PXDNL: variants seen among roughly 807,000 people sequenced by gnomAD.
PXDNL encodes probable oxidoreductase PXDNL.
PXDNL carries 145 observed loss-of-function variants against 150.8 expected under a neutral mutation model. The observed-to-expected ratio is 0.96, with a 90% CI of 0.84 to 1.10. The LOEUF is 1.10. Among genes scored for constraint, PXDNL ranks in the 50% least tolerant of loss-of-function variants. The probability of loss-of-function intolerance (pLI) is 0.00; values close to 1 mark genes in which losing one functional copy is unlikely to be tolerated. For synonymous variants in PXDNL, 757 were observed against 725.7 expected (o/e 1.04, Z -0.69); for missense variants, 2,087 against 1,873.9 (o/e 1.11, Z -2.10).
At chr8:51,346,136 C>T (rs529156941) in intron 19 of PXDNL, among the ~76,000 whole-genome samples, 189 bp from the exon 20 acceptor site, 1 of 152,330 alleles carries the variant, frequency 6.6e-6, no homozygotes, top group Non-Finnish European at 1.5e-5. Context: ...CCTGCTTTTG[C>T]ATGTCACTGA....
chr8:51,759,304 G>A (rs574682664), intron 1 of PXDNL, among the ~76,000 whole-genome samples: 7 of 152,094 alleles, frequency 4.6e-5, no homozygotes, highest in East Asian at 1.9e-4. Flanking sequence ...ATCTGAAAGC[G>A]TCAATTTAAA....
In PXDNL at chr8:51,714,024, G is replaced by A. The variant is rs370939348; in HGVS notation, c.165-59264C>T. On this transcript the variant is annotated intron_variant, in intron 1 of 22. Transcript: ENST00000356297. ...AAGAAAATTTTACAAAATAACAAGA[G>A]CCGGTAATTTTTATCACACTGAAAT... 2.0e-4 allele frequency among the ~76,000 whole-genome samples: 31 copies of A among 152,164 alleles called. No individual in the cohort carries two copies. In the East Asian group the frequency reaches 4.2e-3, roughly 21 times the overall value.
In PXDNL at chr8:51,538,568, C is replaced by G. The variant is rs563512031; in HGVS notation, c.380+18272G>C. Among the ~76,000 whole-genome samples, 5 of 152,142 alleles carry G rather than the reference C, an allele frequency of 3.3e-5. No homozygotes were observed. In the South Asian group the frequency reaches 1.0e-3, roughly 32 times the overall value. On this transcript the variant is annotated intron_variant, in intron 4 of 22. Transcript: ENST00000356297. ...ATCACCTGAGGTCAAGAGTTTGAGA[C>G]CAGGCTGGCCAACATGATGAAACCT...
chr8:51,497,425 T>C (rs1056843762), intron 5 of PXDNL, among the ~76,000 whole-genome samples: 1 of 152,218 alleles, frequency 6.6e-6, no homozygotes, highest in South Asian at 2.1e-4. Context: ...AAATCCAAAA[T>C]TGACAAACAG....
At chr8:51,640,383 G>T (rs1340980302) in intron 2 of PXDNL, among the ~76,000 whole-genome samples, 2 of 152,084 alleles carry the variant, frequency 1.3e-5, no homozygotes, top group East Asian at 3.9e-4. Context: ...GAAATAAAGG[G>T]TATTCAATTA....
intron 1 of PXDNL, among the ~76,000 whole-genome samples, chr8:51,749,951 C>T (rs1195993933): frequency 5.3e-5 from 8 of 152,130 alleles, no homozygotes; most frequent in African/African-American, 1.9e-4. Context: ...CTCCCAACCT[C>T]GGCCTCCCAA....
At chr8:51,781,314 A>G (rs1362974899) in intron 1 of PXDNL, among the ~76,000 whole-genome samples, 1 of 150,040 alleles carries the variant, frequency 6.7e-6, no homozygotes, top group East Asian at 2.0e-4. Flanking sequence ...CTTGGCGCAC[A>G]TGCATGCATG....
chr8:51,759,021 C>A (rs1436235082), intron 1 of PXDNL, among the ~76,000 whole-genome samples: 1 of 152,164 alleles, frequency 6.6e-6, no homozygotes, highest in East Asian at 1.9e-4. Flanking sequence ...TGGGGAGAAG[C>A]ATTTCCTGGG....
intron 18 of PXDNL, 62 bp from the exon 19 acceptor site, chr8:51,372,143 G>T: frequency 1.6e-6 from 2 of 1,234,310 alleles, no homozygotes; most frequent in Non-Finnish European, 2.3e-6. Flanking sequence ...TCAGCTGCAT[G>T]TCAAACAGCC....
At chr8:51,473,219 TA>T (rs1249676334) in intron 7 of PXDNL, among the ~76,000 whole-genome samples, 2 of 148,888 alleles carry the variant, frequency 1.3e-5, no homozygotes, top group African/African-American at 4.9e-5. Context: ...GTGTTCAAAA[TA>T]GACAAGGTCT....
chr8:51,577,136 C>T (rs752708725), intron 3 of PXDNL, among the ~76,000 whole-genome samples: 3 of 151,684 alleles, frequency 2.0e-5, no homozygotes, highest in Non-Finnish European at 3.0e-5. Context: ...GAATACTTCT[C>T]GATTCACTTT....
At chr8:51,741,069 A>C (rs944728161) in intron 1 of PXDNL, among the ~76,000 whole-genome samples, 3 of 152,156 alleles carry the variant, frequency 2.0e-5, no homozygotes, top group African/African-American at 7.2e-5. Context: ...GGTAGAATTT[A>C]ACTGTAAATC....
intron 1 of PXDNL, among the ~76,000 whole-genome samples, chr8:51,701,152 G>T (rs1816250992): frequency 1.3e-5 from 2 of 151,962 alleles, no homozygotes; most frequent in African/African-American, 4.8e-5. Flanking sequence ...CAGGATACCA[G>T]TTTCTACATT....
chr8:51,608,017 G>GAAAGAAAGAAAGAA (rs1479287359), intron 2 of PXDNL, among the ~76,000 whole-genome samples: 1 of 78,504 alleles, frequency 1.3e-5, no homozygotes, highest in African/African-American at 4.8e-5. Flanking sequence ...AAGAAAGAAA[G>GAAAGAAAGAAAGAA]AAAGAAAGAA....
chr8:51,478,992 C>T (rs1034401488), intron 6 of PXDNL, among the ~76,000 whole-genome samples: 1 of 152,116 alleles, frequency 6.6e-6, no homozygotes, highest in African/African-American at 2.4e-5. Context: ...CATCTTAAAA[C>T]ATTTGGAATA....
In PXDNL at chr8:51,411,348, A is replaced by G. The variant is rs117864200; in HGVS notation, c.1964T>C (p.Ile655Thr). The change falls in exon 16 of 23, where the codon ATT (isoleucine) becomes ACT (threonine). Residue 655 changes from isoleucine (I) to threonine (T), a missense_variant. Coordinates refer to ENST00000356297, the MANE Select transcript of PXDNL (RefSeq NM_144651.5). ...AQFHYPRDPL[I>T]VEMARAGEIF... ...CTCCCCTGCTCTTGCCATTTCCACAATCAGTGGGTCACGCGGGTAATGAAA... is the reference window on the plus strand; with the variant it reads ...CTCCCCTGCTCTTGCCATTTCCACAGTCAGTGGGTCACGCGGGTAATGAAA... 33,533 of 1,588,752 alleles carry G rather than the reference A, an allele frequency of 0.021. 455 individuals carry two copies. Among genetic ancestry groups the G allele is most frequent in the Middle Eastern group, 0.069 (416 of 6,018 alleles).
intron 1 of PXDNL, among the ~76,000 whole-genome samples, chr8:51,804,683 C>T (rs143506957): frequency 1.6e-4 from 25 of 152,238 alleles, no homozygotes; most frequent in Non-Finnish European, 3.4e-4. Flanking sequence ...CACATCCCTT[C>T]ACTTCATTTA....
At chr8:51,603,125 G>T (rs1049462081) in intron 2 of PXDNL, among the ~76,000 whole-genome samples, 2 of 151,474 alleles carry the variant, frequency 1.3e-5, no homozygotes, top group African/African-American at 4.8e-5. Context: ...CATGTATCTG[G>T]TTCCCTTTCT....
At chr8:51,632,560 T>C (rs1315851907) in intron 2 of PXDNL, among the ~76,000 whole-genome samples, 1 of 152,158 alleles carries the variant, frequency 6.6e-6, no homozygotes, top group Non-Finnish European at 1.5e-5. Flanking sequence ...TATGATTGCA[T>C]TACTGCCTGG....
Sources: gnomAD v4.1 joint callset for allele counts (sites outside exome capture counted in the v4.1 genomes callset) on GRCh38, gnomAD v4.1.1 for gene constraint, MANE v1.5 for transcripts, NCBI Gene and HGNC (gene_info 2026-07-23, HGNC 2026-07-21) for gene names.